Variants in DROSHA observed in about 807,000 individuals in gnomAD.
DROSHA encodes the protein ribonuclease 3.
A neutral mutation model predicts 181.9 loss-of-function variants in DROSHA; 56 were observed. That is an observed-to-expected ratio of 0.31 (90% CI 0.25 to 0.38). The LOEUF (loss-of-function observed/expected upper bound fraction) is 0.38. Among genes scored for constraint, DROSHA ranks in the 10% least tolerant of loss-of-function variants. DROSHA has a pLI of 1.00. For synonymous variants in DROSHA, 524 were observed against 591.2 expected (o/e 0.89, Z 1.65); for missense variants, 1,218 against 1,743.5 (o/e 0.70, Z 5.37).
chr5:31,471,463 A>C (rs1361692955), intron 17 of DROSHA, among the ~76,000 whole-genome samples: 1 of 152,092 alleles, frequency 6.6e-6, no homozygotes, highest in Non-Finnish European at 1.5e-5. Context: ...ATATCCTTTT[A>C]ATGTTTGCAT....
intron 26 of DROSHA, 93 bp from the exon 27 acceptor site, chr5:31,429,638 A>G (rs1743915232): frequency 1.0e-6 from 1 of 968,892 alleles, no homozygotes; most frequent in South Asian, 1.7e-5. Flanking sequence ...CGCAAGCCAA[A>G]AACTACTCAC....
At chr5:31,485,027 C>G (rs1381406703) in intron 14 of DROSHA, 65 bp from the exon 15 acceptor site, 1 of 1,127,226 alleles carries the variant, frequency 8.9e-7, no homozygotes, top group African/African-American at 1.6e-5. Context: ...GAAGGTTCAA[C>G]TTGTTCTTGT....
At chr5:31,457,706 A>G (rs74423760) in intron 20 of DROSHA, among the ~76,000 whole-genome samples, 2,858 of 152,220 alleles carry the variant, frequency 0.019, 125 homozygotes, top group East Asian at 0.17. Context: ...CCTGGGCAAC[A>G]AAACTAGACC....
At chr5:31,492,822 G>C (rs1339099783) in intron 13 of DROSHA, among the ~76,000 whole-genome samples, 2 of 152,202 alleles carry the variant, frequency 1.3e-5, no homozygotes, top group Non-Finnish European at 2.9e-5. Flanking sequence ...CAAACGTTCT[G>C]AATAAGCTCT....
chr5:31,526,983 T>C, intron 4 of DROSHA, 71 bp from the exon 5 acceptor site: 4 of 1,406,072 alleles, frequency 2.8e-6, no homozygotes, highest in Non-Finnish European at 3.8e-6. Context: ...CAGGGTTTCA[T>C]AAATGCCTGA....
chr5:31,408,765 C>A lies in DROSHA; in HGVS notation c.3854+291G>T, dbSNP rs188929507. ...ATAAAAACCACTGAATCCAAATTTT[C>A]TTTTTAATCTCATAATCTTAGTTGG... is the stretch of plus-strand genomic sequence containing the variant. On this transcript the variant is annotated intron_variant, in intron 33 of 35. Transcript: ENST00000344624. 10 of 270,066 alleles carry A rather than the reference C, an allele frequency of 3.7e-5. No homozygotes were observed. In the East Asian group the frequency reaches 6.7e-4, roughly 18 times the overall value. The allele number at this position is 270,066 out of a possible 1,614,324, so 16.7% of individuals were successfully genotyped here. A position where few individuals can be genotyped will look rare whatever the true frequency, so the allele number is the denominator to read the frequency against.
At chr5:31,515,668 GA>G (rs1739200159) in intron 6 of DROSHA, 104 bp from the exon 7 acceptor site, 6 of 1,449,688 alleles carry the variant, frequency 4.1e-6, no homozygotes, top group Non-Finnish European at 5.5e-6. Context: ...TCTTTGCCAG[GA>G]AAAAAAGATT....
intron 6 of DROSHA, among the ~76,000 whole-genome samples, chr5:31,518,696 T>C (rs191471082): frequency 6.6e-4 from 101 of 152,292 alleles, no homozygotes; most frequent in Middle Eastern, 3.4e-3. Context: ...GAGGCAGATA[T>C]TAACATCCCC....
At chr5:31,428,461 A>G (rs1269285136) in intron 27 of DROSHA, among the ~76,000 whole-genome samples, 3 of 152,192 alleles carry the variant, frequency 2.0e-5, no homozygotes, top group Non-Finnish European at 2.9e-5. Flanking sequence ...GCAAATCAAG[A>G]TGCACATGTG....
At chr5:31,404,100 T>A (rs539697702) in intron 35 of DROSHA, among the ~76,000 whole-genome samples, 2 of 147,326 alleles carry the variant, frequency 1.4e-5, no homozygotes, top group Admixed American at 6.8e-5. Flanking sequence ...TTTTTTTTTT[T>A]AATTTTTTGT....
rs1739099958 is a variant in DROSHA at position 31,514,815 on chromosome 5, A to T, written c.1290+173T>A. 6.6e-6 allele frequency among the ~76,000 whole-genome samples: 1 copy of T among 152,144 alleles called. No homozygotes were observed. On this transcript the variant is annotated intron_variant, in intron 8 of 35. Coordinates refer to ENST00000344624, the MANE Select transcript of DROSHA (RefSeq NM_001382508.1). The surrounding 1 kb of genome is among the most constrained non-coding windows in gnomAD (Gnocchi z 4.4). ...ATATTTGAAGACATTTTCGGTAACC[A>T]CAACTGGGGAGGGGTACTACTGGCA...
intron 11 of DROSHA, among the ~76,000 whole-genome samples, chr5:31,498,356 G>C (rs1314919478): frequency 6.6e-6 from 1 of 151,872 alleles, no homozygotes; most frequent in East Asian, 1.9e-4. Flanking sequence ...CCTTTTACTT[G>C]TAAAATAACA....
chr5:31,511,261 C>A, intron 8 of DROSHA, 85 bp from the exon 9 acceptor site: 1 of 1,274,652 alleles, frequency 7.8e-7, no homozygotes, highest in Non-Finnish European at 1.1e-6. Flanking sequence ...GTAATCAAAG[C>A]ATTTTTAACA....
At chr5:31,406,975 T>A (rs754223634) in intron 33 of DROSHA, 30 bp from the exon 34 acceptor site, 11 of 1,592,418 alleles carry the variant, frequency 6.9e-6, no homozygotes, top group Non-Finnish European at 7.7e-6. Context: ...ACATTTATTA[T>A]GGTAAAGTGT....
chr5:31,413,935 G>A (rs1297773379), intron 30 of DROSHA, among the ~76,000 whole-genome samples: 6 of 152,214 alleles, frequency 3.9e-5, no homozygotes, highest in Non-Finnish European at 8.8e-5. Context: ...ATTGATGTAG[G>A]TGGATTCTGA....
chr5:31,422,709 C>T (rs137888663), intron 29 of DROSHA, 78 bp downstream of exon 29: 50 of 1,540,420 alleles, frequency 3.2e-5, no homozygotes, highest in African/African-American at 2.8e-4. Flanking sequence ...CCAATTCCTT[C>T]GAAGGGCATG....
At chr5:31,428,598 G>T (rs1743769598) in intron 27 of DROSHA, among the ~76,000 whole-genome samples, 1 of 152,102 alleles carries the variant, frequency 6.6e-6, no homozygotes, top group Non-Finnish European at 1.5e-5. Context: ...CAAATTCTCA[G>T]ATATGAACAT....
chr5:31,521,306 C>A (rs1038595572), intron 5 of DROSHA, 91 bp from the exon 6 acceptor site: 3 of 1,405,224 alleles, frequency 2.1e-6, no homozygotes, highest in Non-Finnish European at 2.0e-6. Flanking sequence ...AATAAATGGA[C>A]CACATCTAGG....
intron 25 of DROSHA, among the ~76,000 whole-genome samples, chr5:31,432,409 G>T (rs1355869219): frequency 6.6e-6 from 1 of 152,154 alleles, no homozygotes; most frequent in Non-Finnish European, 1.5e-5. Context: ...TGGGATTACA[G>T]GTGTGAGCCA....
Sources: gnomAD v4.1 joint callset for allele counts (sites outside exome capture counted in the v4.1 genomes callset) on GRCh38, gnomAD v4.1.1 for gene constraint, Gnocchi (gnomAD v3.1) non-coding constraint, MANE v1.5 for transcripts, NCBI Gene and HGNC (gene_info 2026-07-23, HGNC 2026-07-21) for gene names.